The following CFAP58 variants were observed in gnomAD, a reference collection of about 807,000 sequenced individuals.
CFAP58 encodes cilia and flagella associated protein 58, also known as cilia- and flagella-associated protein 58.
In CFAP58, 88 loss-of-function variants were observed where a neutral mutation model predicts 119.5. The ratio of observed to expected loss-of-function variants is 0.74; its 90% CI spans 0.62 to 0.88. The LOEUF (loss-of-function observed/expected upper bound fraction) is 0.88, where lower values mean the gene tolerates loss of function less well. Ranked by LOEUF, CFAP58 falls within the 40% of genes least tolerant of loss-of-function variation. The pLI is 0.00. For missense variants in CFAP58, 990 were observed against 1,021.2 expected (o/e 0.97, Z 0.42); for synonymous variants, 365 against 366.3 (o/e 1.00, Z 0.04).
At chr10:104,368,295 A>G in intron 5 of CFAP58, 128 bp from the exon 6 acceptor site, 1 of 800,162 alleles carries the variant, frequency 1.2e-6, no homozygotes, top group South Asian at 2.0e-5. Flanking sequence ...ATAAAGAACA[A>G]TTTCTACAAA....
intron 14 of CFAP58, among the ~76,000 whole-genome samples, chr10:104,406,101 A>G (rs115322500): frequency 0.02 from 2,990 of 152,322 alleles, 50 homozygotes; most frequent in South Asian, 0.054. Context: ...TGTCTCAAAC[A>G]ACAACAACAA....
intron 6 of CFAP58, among the ~76,000 whole-genome samples, chr10:104,370,487 A>G (rs932667430): frequency 6.6e-6 from 1 of 152,108 alleles, no homozygotes; most frequent in Non-Finnish European, 1.5e-5. Flanking sequence ...TTTTAAAACC[A>G]TCAGATCTCG....
intron 7 of CFAP58, among the ~76,000 whole-genome samples, chr10:104,376,059 A>C (rs1031254159): frequency 1.3e-5 from 2 of 152,184 alleles, no homozygotes; most frequent in African/African-American, 4.8e-5. Context: ...AAACAAAGGG[A>C]AAAGGGGATT....
chr10:104,437,382 A>G (rs537564578), intron 15 of CFAP58, among the ~76,000 whole-genome samples: 2 of 152,226 alleles, frequency 1.3e-5, no homozygotes, highest in African/African-American at 2.4e-5. Context: ...CGAGCTTGCC[A>G]TTTATGTGAC....
chr10:104,357,850 C>A (rs1403208283), intron 1 of CFAP58, among the ~76,000 whole-genome samples: 1 of 45,654 alleles, frequency 2.2e-5, no homozygotes, highest in East Asian at 4.4e-4. Context: ...CATATGTACA[C>A]ATATATACAC....
chr10:104,439,524 G>GA (rs34994798), intron 15 of CFAP58, among the ~76,000 whole-genome samples: 3 of 151,908 alleles, frequency 2.0e-5, no homozygotes, highest in Admixed American at 6.6e-5. Flanking sequence ...GTTTTTCAAG[G>GA]AAAAAATCTC....
chr10:104,432,050 A>G (rs1468181696), intron 15 of CFAP58, among the ~76,000 whole-genome samples: 2 of 152,206 alleles, frequency 1.3e-5, no homozygotes, highest in African/African-American at 4.8e-5. Flanking sequence ...TCCTGTACAC[A>G]TACATGAGCA....
intron 7 of CFAP58, among the ~76,000 whole-genome samples, chr10:104,375,275 C>T (rs1387068425): frequency 3.3e-5 from 5 of 150,642 alleles, no homozygotes; most frequent in Non-Finnish European, 5.9e-5. Context: ...TTTATATACA[C>T]GTATATTTAC....
At chr10:104,342,247 A>G in the CFAP58 span, among the ~76,000 whole-genome samples, 2 of 152,122 alleles carry the variant, frequency 1.3e-5, no homozygotes, top group Non-Finnish European at 2.9e-5. Flanking sequence ...TTTTCTCTAC[A>G]TTGTTGCCAA....
rs201299517 is a variant in CFAP58 at position 104,376,809 on chromosome 10, A to C, written c.1091-2A>C. 7.4e-6 allele frequency: 12 copies of C among 1,611,496 alleles called. No individual in the cohort carries two copies. The highest frequency in any genetic ancestry group is 5.9e-6 in the Non-Finnish European group (7 of 1,178,432). Reference sequence around the variant, plus strand: ...TATTATTTTTTCTCCCTGGGGATTCAGAGGTAGAGGCTTCAAAGAAACAAG... The same window carrying C: ...TATTATTTTTTCTCCCTGGGGATTCCGAGGTAGAGGCTTCAAAGAAACAAG... On this transcript the variant is annotated splice_acceptor_variant, in intron 7 of 17. Coordinates refer to ENST00000369704, the MANE Select transcript of CFAP58 (RefSeq NM_001008723.2). LOFTEE classifies it high-confidence loss of function.
rs759400382 is a variant in CFAP58, at chr10:104,438,348, GTTT to G, written c.2257-9340_2257-9338del. On this transcript the variant is annotated intron_variant, in intron 15 of 17. Transcript: ENST00000369704. ...ATTGTTTTTTTGTTTTTTGTTTTTT[GTTT>G]TTTTTTTTTGTTTTTTTTTTTTGTT... 4.4e-4 allele frequency among the ~76,000 whole-genome samples: 16 copies of G among 36,758 alleles called. No homozygotes were observed. The South Asian group carries it at 0.011, about 25-fold the overall frequency. The allele number at this position is 36,758 out of a possible 152,430, so 24.1% of individuals were successfully genotyped here. A position where few individuals can be genotyped will look rare whatever the true frequency, so the allele number is the denominator to read the frequency against.
rs149682057 is a variant in CFAP58 at position 104,427,874 on chromosome 10, AG to A, written c.2257-19821del. On this transcript the variant is annotated intron_variant, in intron 15 of 17. Coordinates refer to ENST00000369704, the MANE Select transcript of CFAP58 (RefSeq NM_001008723.2). ...TGAAGAAGCTCCCTCAGCAACATCGAGGGTTATGGAAATTTTGGCGTGACCT... is the reference window on the plus strand; with the variant it reads ...TGAAGAAGCTCCCTCAGCAACATCGAGGTTATGGAAATTTTGGCGTGACCT... 1.9e-3 allele frequency among the ~76,000 whole-genome samples: 293 copies of A among 152,190 alleles called. 1 individual carries two copies. The highest frequency in any genetic ancestry group is 6.5e-3 in the African/African-American group (272 of 41,530).
At chr10:104,390,572 C>T (rs1005643701) in intron 9 of CFAP58, among the ~76,000 whole-genome samples, 1 of 152,040 alleles carries the variant, frequency 6.6e-6, no homozygotes, top group African/African-American at 2.4e-5. Flanking sequence ...GGAGCTAATA[C>T]ATATAAAATG....
At chr10:104,349,301 G>T (rs1269214539), upstream of CFAP58, among the ~76,000 whole-genome samples, 1 of 151,938 alleles carries the variant, frequency 6.6e-6, no homozygotes, top group Non-Finnish European at 1.5e-5. Flanking sequence ...CAAAAAAATT[G>T]ATTTCCTCAC....
chr10:104,399,077 G>A (rs979605022), intron 11 of CFAP58, among the ~76,000 whole-genome samples: 5 of 152,058 alleles, frequency 3.3e-5, no homozygotes, highest in African/African-American at 1.2e-4. Flanking sequence ...TACCAATGAA[G>A]CCCCTGCTAC....
intron 1 of CFAP58, among the ~76,000 whole-genome samples, chr10:104,357,645 TTAATC>T (rs1225742563): frequency 3.9e-5 from 6 of 152,108 alleles, no homozygotes; most frequent in African/African-American, 1.4e-4. Flanking sequence ...GTGATCTAAT[TTAATC>T]TAATCCTTAG....
intron 15 of CFAP58, among the ~76,000 whole-genome samples, chr10:104,435,885 T>C (rs1375044119): frequency 6.6e-6 from 1 of 152,176 alleles, no homozygotes; most frequent in Non-Finnish European, 1.5e-5. Context: ...AAATTGAACT[T>C]ACCATCTTCT....
chr10:104,427,466 G>A (rs1334032662), intron 15 of CFAP58, among the ~76,000 whole-genome samples: 2 of 151,462 alleles, frequency 1.3e-5, no homozygotes, highest in Non-Finnish European at 2.9e-5. Context: ...TGTCTCATTC[G>A]GTCTTCCAAC....
intron 11 of CFAP58, among the ~76,000 whole-genome samples, chr10:104,396,929 C>T (rs1239457314): frequency 6.6e-6 from 1 of 152,154 alleles, no homozygotes; most frequent in African/African-American, 2.4e-5. Flanking sequence ...ATCTTGTTTA[C>T]AGCCCATAAA....
Sources: allele counts gnomAD v4.1 joint callset (sites outside exome capture counted in the v4.1 genomes callset), GRCh38; gene constraint gnomAD v4.1.1; transcripts MANE v1.5; gene names NCBI Gene and HGNC (gene_info 2026-07-23, HGNC 2026-07-21).